Variants in PRKG1 observed in about 807,000 individuals in gnomAD.
PRKG1 encodes the protein cGMP-dependent protein kinase 1.
In PRKG1, 35 loss-of-function variants were observed where a neutral mutation model predicts 88.1. The observed-to-expected ratio is 0.40, with a 90% CI of 0.30 to 0.53. The LOEUF (loss-of-function observed/expected upper bound fraction) is 0.53. PRKG1 is among the 20% of genes least tolerant of loss of function. PRKG1 has a pLI of 0.59. For synonymous variants in PRKG1, 303 were observed against 292.5 expected, an observed-to-expected ratio of 1.04 and a Z score of -0.37; for missense variants, 540 against 839.8, an observed-to-expected ratio of 0.64 and a Z score of 4.41.
chr10:51,538,223 CAAA>C (rs1842207688), intron 3 of PRKG1, among the ~76,000 whole-genome samples: 1 of 151,860 alleles, frequency 6.6e-6, no homozygotes, highest in Non-Finnish European at 1.5e-5. Flanking sequence ...CAATTGAAGA[CAAA>C]GAAGTAGCAT....
intron 9 of PRKG1, among the ~76,000 whole-genome samples, chr10:52,212,443 A>G (rs1416371090): frequency 6.6e-6 from 1 of 152,200 alleles, no homozygotes; most frequent in Non-Finnish European, 1.5e-5. Flanking sequence ...TAAACTGTTA[A>G]TGTAACTACC....
chr10:51,270,432 C>G (rs1306670404), intron 2 of PRKG1, among the ~76,000 whole-genome samples: 2 of 152,036 alleles, frequency 1.3e-5, no homozygotes, highest in East Asian at 3.9e-4. Flanking sequence ...CTTCAAATAC[C>G]TTTCCATAGT....
intron 5 of PRKG1, among the ~76,000 whole-genome samples, chr10:52,049,598 G>C (rs1355107060): frequency 1.3e-5 from 2 of 152,124 alleles, no homozygotes; most frequent in African/African-American, 4.8e-5. Flanking sequence ...TTTGGGGTAT[G>C]ATGAGTAGAC....
At chr10:52,079,324 C>A (rs1471818532) in intron 7 of PRKG1, among the ~76,000 whole-genome samples, 3 of 152,036 alleles carry the variant, frequency 2.0e-5, no homozygotes, top group African/African-American at 4.8e-5. Flanking sequence ...TATCAAAGCA[C>A]CACAACACTA....
intron 2 of PRKG1, among the ~76,000 whole-genome samples, chr10:51,318,354 G>A (rs1489630507): frequency 6.6e-6 from 1 of 152,084 alleles, no homozygotes; most frequent in Non-Finnish European, 1.5e-5. Context: ...TACTTCAATG[G>A]GTTATCATGA....
At chr10:51,727,579 A>G (rs1300347014) in intron 3 of PRKG1, among the ~76,000 whole-genome samples, 1 of 152,160 alleles carries the variant, frequency 6.6e-6, no homozygotes, top group Non-Finnish European at 1.5e-5. Context: ...GGCCATTAGC[A>G]CAGAAATTTC....
chr10:52,142,116 T>C (rs1837596691), intron 8 of PRKG1, among the ~76,000 whole-genome samples: 1 of 152,002 alleles, frequency 6.6e-6, no homozygotes, highest in African/African-American at 2.4e-5. Context: ...ATAATGAGGG[T>C]TTGAAAAACC....
chr10:51,894,641 C>T (rs1411335334), intron 4 of PRKG1, among the ~76,000 whole-genome samples: 7 of 152,232 alleles, frequency 4.6e-5, no homozygotes, highest in South Asian at 2.1e-4. Flanking sequence ...AATGACTTTA[C>T]GGTTCGGAAA....
At chr10:51,831,850 G>A (rs1399443979) in intron 4 of PRKG1, among the ~76,000 whole-genome samples, 2 of 152,136 alleles carry the variant, frequency 1.3e-5, no homozygotes, top group Non-Finnish European at 2.9e-5. Context: ...CAAGAAGTAG[G>A]AGTCTTAGAA....
chr10:51,069,584 G>A (rs532787693), upstream of PRKG1, among the ~76,000 whole-genome samples: 7 of 152,086 alleles, frequency 4.6e-5, no homozygotes, highest in South Asian at 1.2e-3. Context: ...AGTTCCGGTT[G>A]TGCATTATTA....
chr10:51,163,925 A>C (rs914898745), intron 2 of PRKG1, among the ~76,000 whole-genome samples: 4 of 152,230 alleles, frequency 2.6e-5, no homozygotes, highest in Admixed American at 2.0e-4. Context: ...ACCACAGCTC[A>C]AGGAGGCCTG....
intron 9 of PRKG1, among the ~76,000 whole-genome samples, chr10:52,206,811 T>C (rs943249393): frequency 6.6e-6 from 1 of 152,108 alleles, no homozygotes; most frequent in African/African-American, 2.4e-5. Context: ...GGAGTTTCCA[T>C]TTTGCTGGCC....
intron 3 of PRKG1, among the ~76,000 whole-genome samples, chr10:51,589,919 A>C (rs1320337568): frequency 1.3e-5 from 2 of 152,208 alleles, no homozygotes; most frequent in African/African-American, 2.4e-5. Flanking sequence ...TGTGAGATAT[A>C]CTAAGAAGTA....
chr10:51,251,038 T>G (rs939826125), intron 2 of PRKG1, among the ~76,000 whole-genome samples: 2 of 151,830 alleles, frequency 1.3e-5, no homozygotes, highest in East Asian at 3.9e-4. Flanking sequence ...CCTGAATGTT[T>G]ATTGTGATAT....
chr10:51,153,250 G>T lies in PRKG1; in HGVS notation c.398G>T (p.Cys133Phe). The change falls in exon 2 of 18, where the codon TGT becomes TTT. Residue 133 changes from cysteine to phenylalanine, a missense_variant. Around this residue, in one of 5 missense-constraint regions of PRKG1, gnomAD observed 400 missense variants for 562.7 expected, o/e 0.71. Coordinates refer to ENST00000373980, the MANE Select transcript of PRKG1 (RefSeq NM_006258.4). ...ELSQIQEIVD[C>F]MYPVEYGKDS... is the part of the protein sequence containing the mutation. ...TCGCAGATCCAGGAGATTGTGGATT[G>T]TATGTACCCGGTGGAGTATGGCAAG... The T allele has an allele frequency of 6.2e-7, 1 of 1,612,602 alleles. No individual in the cohort carries two copies. Among genetic ancestry groups the T allele is most frequent in the Non-Finnish European group, 8.5e-7 (1 of 1,179,004 alleles).
chr10:51,447,325 A>G (rs775268751), intron 2 of PRKG1, among the ~76,000 whole-genome samples: 3 of 151,994 alleles, frequency 2.0e-5, no homozygotes, highest in Non-Finnish European at 4.4e-5. Flanking sequence ...TCTCCCAGTG[A>G]CTGTATATTC....
At chr10:51,464,627 C>T (rs1028276822) in intron 2 of PRKG1, among the ~76,000 whole-genome samples, 1 of 151,878 alleles carries the variant, frequency 6.6e-6, no homozygotes, top group Non-Finnish European at 1.5e-5. Context: ...TGCGGTGGCT[C>T]ACGCCTGTAA....
At chr10:51,420,384 C>T (rs1271045177) in intron 2 of PRKG1, among the ~76,000 whole-genome samples, 2 of 152,106 alleles carry the variant, frequency 1.3e-5, no homozygotes, top group African/African-American at 4.8e-5. Flanking sequence ...TGTTGGGACT[C>T]CAGATTTCTT....
intron 1 of PRKG1, among the ~76,000 whole-genome samples, chr10:51,036,243 C>G (rs923319748): frequency 6.6e-6 from 1 of 152,134 alleles, no homozygotes; most frequent in African/African-American, 2.4e-5. Context: ...AAAAGAGACC[C>G]TATGTATTTT....
Sources: gnomAD v4.1 joint callset for allele counts (sites outside exome capture counted in the v4.1 genomes callset) on GRCh38, gnomAD v4.1.1 for gene constraint, gnomAD v4.1.1 regional missense constraint, MANE v1.5 for transcripts, NCBI Gene and HGNC (gene_info 2026-07-23, HGNC 2026-07-21) for gene names.